The following KRT82 variants were observed in gnomAD, a reference collection of about 807,000 sequenced individuals.
The protein encoded by KRT82 is keratin 82.
A neutral mutation model predicts 48.0 loss-of-function variants in KRT82; 44 were observed. The ratio of observed to expected loss-of-function variants is 0.92; its 90% CI spans 0.72 to 1.18. The LOEUF (loss-of-function observed/expected upper bound fraction) is 1.18. KRT82 is among the 50% of genes most tolerant of loss of function. KRT82 has a pLI of 0.00. For missense variants in KRT82, 701 were observed against 671.4 expected, an observed-to-expected ratio of 1.04 and a Z score of -0.49; for synonymous variants, 297 against 278.3, an observed-to-expected ratio of 1.07 and a Z score of -0.67.
At chr12:52,397,065 C>A in intron 5 of KRT82, 57 bp from the exon 6 acceptor site, 1 of 1,590,608 alleles carries the variant, frequency 6.3e-7, no homozygotes, top group African/African-American at 1.3e-5. Context: ...CTCCTAGCCT[C>A]TTTTCTCACT....
At chr12:52,397,770 G>C (rs562086918) in intron 5 of KRT82, among the ~76,000 whole-genome samples, 1 of 152,330 alleles carries the variant, frequency 6.6e-6, no homozygotes, top group African/African-American at 2.4e-5. Context: ...CCCCTGGCTG[G>C]GCTCAGTGAC....
rs909634512 is a variant in KRT82 at position 52,396,956 on chromosome 12, C to T, written c.995G>A (p.Arg332His). Residue 332 changes from arginine (R) to histidine (H), a missense_variant, in exon 6 of 9, where the codon CGT (arginine) becomes CAT (histidine). Transcript: ENST00000257974. ...AGNHCDNLRN[R>H]KNEILEMNKL... ...ATTCATTTCCAGGATCTCGTTCTTACGGTTGCGGAGGTTGTCACAGTGGTT... is the reference window on the plus strand; with the variant it reads ...ATTCATTTCCAGGATCTCGTTCTTATGGTTGCGGAGGTTGTCACAGTGGTT... The T allele has an allele frequency of 8.7e-6, 14 of 1,613,928 alleles. No homozygotes were observed. Among genetic ancestry groups the T allele is most frequent in the Middle Eastern group, 1.6e-4 (1 of 6,084 alleles).
Position 52,403,904 on chromosome 12 carries a change from A to G in KRT82, c.417T>C (p.Arg139=). The part of the protein sequence containing the change: ...NRFASFINKV[R]FLEQKNKLLE... ...GCAGCTTGTTCTTCTGCTCCAGGAA[A>G]CGGACCTGCAGCCAAGAATGGAATA... Residue 139 remains arginine, a synonymous_variant, in exon 2 of 9, where the codon CGT becomes CGC. Transcript: ENST00000257974. 6.2e-7 allele frequency: 1 copy of G among 1,613,394 alleles called. No individual in the cohort carries two copies. Among genetic ancestry groups the G allele is most frequent in the Non-Finnish European group, 8.5e-7 (1 of 1,179,818 alleles).
In KRT82 at chr12:52,394,053, C is replaced by T. The variant is rs1317486814; in HGVS notation, c.*922G>A. The T allele has an allele frequency of 2.0e-5, 3 of 152,192 alleles. No individual in the cohort carries two copies. Among genetic ancestry groups the T allele is most frequent in the African/African-American group, 4.8e-5 (2 of 41,428 alleles). 9.4% of individuals were successfully genotyped at this position (152,192 alleles called of 1,614,324 possible). On this transcript the variant is annotated 3_prime_UTR_variant, in exon 9 of 9. Transcript: ENST00000257974. Reference sequence around the variant, plus strand: ...GCATGAGGGGCTTCTGGGAGGTAGTCAGCCCACACCTCCTCCATCTATGAG... The same window carrying T: ...GCATGAGGGGCTTCTGGGAGGTAGTTAGCCCACACCTCCTCCATCTATGAG...
intron 1 of KRT82, among the ~76,000 whole-genome samples, chr12:52,404,654 C>T (rs1254320386): frequency 1.3e-5 from 2 of 152,220 alleles, no homozygotes; most frequent in African/African-American, 4.8e-5. Flanking sequence ...AGTATCATTG[C>T]CCTACTTCTG....
Position 52,395,124 on chromosome 12 carries a change from C to A in KRT82, c.1393G>T (p.Val465Phe). ...GVSTPVLSTG[V>F]LRSNGGCSIV... ...CTGCAGCCCCCATTGCTCCTGAGGACGCCAGTGCTGAGGACAGGCGTGCTG... is the reference window on the plus strand; with the variant it reads ...CTGCAGCCCCCATTGCTCCTGAGGAAGCCAGTGCTGAGGACAGGCGTGCTG... The change falls in exon 9 of 9, where the codon GTC (valine) becomes TTC (phenylalanine). Residue 465 changes from valine (V) to phenylalanine (F), a missense_variant. Val to Phe is a conservative substitution (Grantham distance 50, BLOSUM62 -1). Transcript: ENST00000257974. The A allele has an allele frequency of 1.2e-6, 2 of 1,614,034 alleles. No homozygotes were observed. The highest frequency in any genetic ancestry group is 2.2e-5 in the South Asian group (2 of 91,072).
Position 52,394,844 on chromosome 12 carries a change from A to C in KRT82, c.*131T>G. On this transcript the variant is annotated 3_prime_UTR_variant, in exon 9 of 9. Coordinates refer to ENST00000257974, the MANE Select transcript of KRT82 (RefSeq NM_033033.4). ...GGGCAGCTCAGCTCTCAAGGAGGGA[A>C]CACTGGAGGGGAATGTGGAGTCAAT... 2 of 767,882 alleles carry C rather than the reference A, an allele frequency of 2.6e-6. No homozygotes were observed. Among genetic ancestry groups the C allele is most frequent in the Non-Finnish European group, 2.2e-6 (1 of 457,136 alleles). 47.6% of individuals were successfully genotyped at this position (767,882 alleles called of 1,614,324 possible). A position where few individuals can be genotyped will look rare whatever the true frequency, so the allele number is the denominator to read the frequency against.
At chr12:52,402,011 C>G (rs1409720758) in intron 2 of KRT82, 1 of 152,300 alleles carries the variant, frequency 6.6e-6, no homozygotes, top group Non-Finnish European at 1.5e-5. Flanking sequence ...AGCAACGGCC[C>G]TGGACTCTGG....
At position 52,395,043 on chromosome 12, in the gene KRT82, A is replaced by G. The variant is rs575431326; in HGVS notation, c.1474T>C (p.Cys492Arg). Residue 492 changes from cysteine to arginine, a missense_variant, in exon 9 of 9, where the codon TGT becomes CGT. Transcript: ENST00000257974. ...ATGCTGGATTTCCGCCCGCTCCCAC[A>G]GCTCAGTAGCCCCTGGGGCTCGCAG... ...VPCEPQGLLS[C>R]GSGRKSSMTL... is the part of the protein sequence containing the mutation. 91 of 1,613,988 alleles carry G rather than the reference A, an allele frequency of 5.6e-5. No individual in the cohort carries two copies. The South Asian group carries it at 9.9e-4, about 18-fold the overall frequency.
Position 52,400,097 on chromosome 12 carries a change from A to G in KRT82, c.830T>C (p.Met277Thr), listed in dbSNP as rs773160375. The G allele has an allele frequency of 3.1e-6, 5 of 1,613,988 alleles. No individual in the cohort carries two copies. In the African/African-American group the frequency reaches 4.0e-5, roughly 13 times the overall value. ...CACGTCCAGCTCCCGGCTGTTGTCC[A>G]TCTTCACAATGACCGAGGTCTCAGA... ...QISETSVIVKMDNSRELDVDG... is the reference protein window; with the variant it reads ...QISETSVIVKTDNSRELDVDG... The change falls in exon 5 of 9, where the codon ATG (methionine) becomes ACG (threonine). Residue 277 changes from methionine (M) to threonine (T), a missense_variant. Transcript: ENST00000257974.
intron 5 of KRT82, among the ~76,000 whole-genome samples, chr12:52,397,766 G>T (rs1939734381): frequency 6.6e-6 from 1 of 152,204 alleles, no homozygotes; most frequent in Non-Finnish European, 1.5e-5. Flanking sequence ...AGAACCCCTG[G>T]CTGGGCTCAG....
At chr12:52,405,047 C>A (rs539470702) in intron 1 of KRT82, among the ~76,000 whole-genome samples, 1 of 152,218 alleles carries the variant, frequency 6.6e-6, no homozygotes. Context: ...AATGAATCCT[C>A]ACCCCAAGAG....
chr12:52,405,557 C>T (rs1791633), intron 1 of KRT82, among the ~76,000 whole-genome samples: 64,297 of 152,118 alleles, frequency 0.42, 14,150 homozygotes, highest in African/African-American at 0.49. Context: ...TCTGGTCATT[C>T]CTTTCAGTAT....
intron 5 of KRT82, among the ~76,000 whole-genome samples, 190 bp from the exon 6 acceptor site, chr12:52,397,198 AT>A (rs1328151636): frequency 6.6e-6 from 1 of 151,850 alleles, no homozygotes; most frequent in Non-Finnish European, 1.5e-5. Flanking sequence ...GCTGTTCCTG[AT>A]TCCCATCTCA....
At chr12:52,400,682 G>A (rs1375668079) in intron 3 of KRT82, 60 bp from the exon 4 acceptor site, 1 of 1,191,926 alleles carries the variant, frequency 8.4e-7, no homozygotes, top group East Asian at 2.3e-5. Flanking sequence ...CAAGCTGGTG[G>A]CAGGGGGAAG....
chr12:52,403,817 G>C lies in KRT82; in HGVS notation c.504C>G (p.Ile168Met). Residue 168 changes from isoleucine to methionine, a missense_variant, in exon 2 of 9, where the codon ATC becomes ATG. Transcript: ENST00000257974. ...GAAGGGCGCTGATATAGCCCTCGAAGATGGGCTCGATGTTGGTCTGGCAGC... is the reference window on the plus strand; with the variant it reads ...GAAGGGCGCTGATATAGCCCTCGAACATGGGCTCGATGTTGGTCTGGCAGC... Reference protein sequence around the residue: ...QRCCQTNIEPIFEGYISALRR... With the variant: ...QRCCQTNIEPMFEGYISALRR... 6.2e-7 allele frequency: 1 copy of C among 1,613,730 alleles called. No individual in the cohort carries two copies. Among genetic ancestry groups the C allele is most frequent in the Non-Finnish European group, 8.5e-7 (1 of 1,179,870 alleles).
rs372208820 is a variant in KRT82, at chr12:52,395,718, C to G, written c.1321+41G>C. 4.6e-6 allele frequency: 7 copies of G among 1,523,566 alleles called. No individual in the cohort carries two copies. The African/African-American group carries it at 8.4e-5, about 18-fold the overall frequency. 94.4% of individuals were successfully genotyped at this position (1,523,566 alleles called of 1,614,324 possible). A position where few individuals can be genotyped will look rare whatever the true frequency, so the allele number is the denominator to read the frequency against. ...CTGCCTGTGTTGGGGTGATCAACCC[C>G]CAAGACTCCAGAGCCAGTGGGGCAT... On this transcript the variant is annotated intron_variant, in intron 8 of 8. Transcript: ENST00000257974.
At position 52,395,173 on chromosome 12, in the gene KRT82, G is replaced by A. The variant is rs200165446; in HGVS notation, c.1344C>T (p.Ala448=). 224 of 1,613,792 alleles carry A rather than the reference G, an allele frequency of 1.4e-4. No homozygotes were observed. Among genetic ancestry groups the A allele is most frequent in the Non-Finnish European group, 1.7e-4 (195 of 1,179,958 alleles). Residue 448 remains alanine (A), a synonymous_variant, in exon 9 of 9, where the codon GCC becomes GCT. Transcript: ENST00000257974. ...TGACCCCACATGGCTCGTACAGGAA[G>A]GCGCCTTTGGAGCTGCTCACTGCTG... ...VNISVSSSKG[A]FLYEPCGVST...
intron 4 of KRT82, 116 bp from the exon 5 acceptor site, chr12:52,400,265 G>T (rs1280774525): frequency 1.8e-6 from 2 of 1,084,790 alleles, no homozygotes; most frequent in Non-Finnish European, 1.3e-6. Context: ...TGCTATGGCT[G>T]TTCTGGGCTT....
Sources: allele counts gnomAD v4.1 joint callset (sites outside exome capture counted in the v4.1 genomes callset), GRCh38; gene constraint gnomAD v4.1.1; transcripts MANE v1.5; gene names NCBI Gene and HGNC (gene_info 2026-07-23, HGNC 2026-07-21).